The following SLC24A2 variants were observed in gnomAD, a reference collection of about 807,000 sequenced individuals.
The protein encoded by SLC24A2 is sodium/potassium/calcium exchanger 2.
In SLC24A2, 36 loss-of-function variants were observed where a neutral mutation model predicts 62.0. The observed-to-expected ratio is 0.58, with a 90% CI of 0.44 to 0.77. SLC24A2 has a LOEUF of 0.77. Among genes scored for constraint, SLC24A2 ranks in the 30% least tolerant of loss-of-function variants. The pLI, the probability that SLC24A2 is intolerant of heterozygous loss-of-function variation, is 0.00. For missense variants in SLC24A2, 846 were observed against 817.9 expected (o/e 1.03, Z -0.42); for synonymous variants, 358 against 294.0 (o/e 1.22, Z -2.23).
At chr9:19,528,665 A>G (rs771070304) in intron 8 of SLC24A2, among the ~76,000 whole-genome samples, 1 of 152,148 alleles carries the variant, frequency 6.6e-6, no homozygotes, top group Admixed American at 6.6e-5. Context: ...CAGTACCACA[A>G]ATTATCAAGA....
At chr9:19,957,379 C>G in the SLC24A2 span, 1 of 152,320 alleles carries the variant, frequency 6.6e-6, no homozygotes. Context: ...TAGAATCCAG[C>G]AGGTTCAAGC....
At chr9:19,731,855 T>C (rs1821348123) in intron 2 of SLC24A2, among the ~76,000 whole-genome samples, 1 of 152,180 alleles carries the variant, frequency 6.6e-6, no homozygotes, top group African/African-American at 2.4e-5. Context: ...ACCTCACACA[T>C]ACTGGAACTG....
At chr9:19,989,973 G>T in the SLC24A2 span, among the ~76,000 whole-genome samples, 1 of 152,170 alleles carries the variant, frequency 6.6e-6, no homozygotes, top group Non-Finnish European at 1.5e-5. Context: ...ATTTCCTGTG[G>T]CTAAAACATA....
intron 7 of SLC24A2, among the ~76,000 whole-genome samples, chr9:19,571,936 A>T (rs573424522): frequency 2.0e-5 from 3 of 152,226 alleles, no homozygotes; most frequent in South Asian, 4.1e-4. Flanking sequence ...ACCCCAATTA[A>T]CTACTTCATC....
At chr9:20,140,117 C>T in the SLC24A2 span, among the ~76,000 whole-genome samples, 2 of 152,208 alleles carry the variant, frequency 1.3e-5, no homozygotes, top group African/African-American at 2.4e-5. Flanking sequence ...CTAAAACTGA[C>T]TGAGATGCGG....
chr9:20,049,649 G>A, the SLC24A2 span, among the ~76,000 whole-genome samples: 1 of 152,106 alleles, frequency 6.6e-6, no homozygotes, highest in African/African-American at 2.4e-5. Flanking sequence ...TGACAAATAT[G>A]TTAAGTATTA....
At chr9:19,670,233 G>T (rs191331788) in intron 2 of SLC24A2, among the ~76,000 whole-genome samples, 142 of 152,284 alleles carry the variant, frequency 9.3e-4, no homozygotes, top group Admixed American at 9.3e-3. Flanking sequence ...AAGAATGAAG[G>T]TCATGGGGAG....
intron 8 of SLC24A2, among the ~76,000 whole-genome samples, chr9:19,529,286 C>A (rs981898379): frequency 2.6e-5 from 4 of 152,238 alleles, no homozygotes; most frequent in African/African-American, 2.4e-5. Flanking sequence ...ACACAGAACA[C>A]GTTCTGTCAT....
At chr9:19,547,843 A>ACT (rs1205572823) in intron 8 of SLC24A2, among the ~76,000 whole-genome samples, 1 of 151,734 alleles carries the variant, frequency 6.6e-6, no homozygotes, top group Admixed American at 6.5e-5. Context: ...AGAGAGACAG[A>ACT]CAGAGAGAGG....
the SLC24A2 span, among the ~76,000 whole-genome samples, chr9:20,204,742 C>CTT: frequency 1.2e-3 from 163 of 132,230 alleles, 1 homozygote; most frequent in African/African-American, 2.7e-3. Context: ...AAAAGTATAA[C>CTT]TTTTTTTTTT....
intron 4 of SLC24A2, among the ~76,000 whole-genome samples, chr9:19,601,749 C>T (rs1303529651): frequency 1.3e-5 from 2 of 152,034 alleles, no homozygotes; most frequent in Admixed American, 6.5e-5. Context: ...GACTTGACAA[C>T]TGGGTCTGCC....
the SLC24A2 span, among the ~76,000 whole-genome samples, chr9:19,922,326 A>C: frequency 6.6e-6 from 1 of 152,160 alleles, no homozygotes; most frequent in African/African-American, 2.4e-5. Context: ...ACCAAATTGC[A>C]GGGAATTCCT....
At chr9:19,638,385 G>A (rs981074322) in intron 2 of SLC24A2, among the ~76,000 whole-genome samples, 2 of 152,136 alleles carry the variant, frequency 1.3e-5, no homozygotes, top group Non-Finnish European at 2.9e-5. Context: ...TATTGCCAAC[G>A]GATATTCATT....
chr9:19,796,512 G>A, the SLC24A2 span, among the ~76,000 whole-genome samples: 1 of 152,118 alleles, frequency 6.6e-6, no homozygotes. Flanking sequence ...TTACTCCTTT[G>A]CTTTTTGGAG....
the SLC24A2 span, among the ~76,000 whole-genome samples, chr9:19,890,861 C>G: frequency 6.6e-6 from 1 of 152,122 alleles, no homozygotes; most frequent in South Asian, 2.1e-4. Context: ...CCTCCAGTAC[C>G]TTTCTCATTA....
intron 2 of SLC24A2, among the ~76,000 whole-genome samples, chr9:19,730,660 A>C (rs1449663965): frequency 6.6e-6 from 1 of 152,186 alleles, no homozygotes; most frequent in African/African-American, 2.4e-5. Flanking sequence ...TATTGCTTAG[A>C]ATACACACAT....
chr9:19,837,835 A>G, the SLC24A2 span, among the ~76,000 whole-genome samples: 1 of 152,034 alleles, frequency 6.6e-6, no homozygotes, highest in East Asian at 1.9e-4. Context: ...CAAAGAGAAT[A>G]AAATACCTAG....
the SLC24A2 span, among the ~76,000 whole-genome samples, chr9:19,986,900 T>C: frequency 2.2e-4 from 33 of 152,108 alleles, no homozygotes; most frequent in South Asian, 6.2e-4. Flanking sequence ...CTAAATGCCA[T>C]TGAAATGTTC....
the SLC24A2 span, among the ~76,000 whole-genome samples, chr9:20,250,234 C>T: frequency 6.6e-6 from 1 of 152,334 alleles, no homozygotes; most frequent in African/African-American, 2.4e-5. Context: ...TCATCCTGCT[C>T]ATGCTAGGCT....
Sources: gnomAD v4.1 joint callset for allele counts (sites outside exome capture counted in the v4.1 genomes callset) on GRCh38, gnomAD v4.1.1 for gene constraint, MANE v1.5 for transcripts, NCBI Gene and HGNC (gene_info 2026-07-23, HGNC 2026-07-21) for gene names.